Variants in ADORA2B observed in about 807,000 individuals in gnomAD.
The protein encoded by ADORA2B is adenosine A2b receptor, also known as adenosine receptor A2b.
A neutral mutation model predicts 20.8 loss-of-function variants in ADORA2B; 18 were observed. The observed-to-expected ratio is 0.87, with a 90% CI of 0.60 to 1.29. The LOEUF (loss-of-function observed/expected upper bound fraction) is 1.29, where lower values mean the gene tolerates loss of function less well. ADORA2B is among the 50% of genes most tolerant of loss of function. ADORA2B has a pLI of 0.00. For missense variants in ADORA2B, 441 were observed against 422.7 expected (o/e 1.04, Z -0.38); for synonymous variants, 179 against 178.3 (o/e 1.00, Z -0.03).
the ADORA2B span, among the ~76,000 whole-genome samples, chr17:15,877,400 T>C: frequency 2.0e-5 from 3 of 152,168 alleles, no homozygotes; most frequent in African/African-American, 7.2e-5. Flanking sequence ...GGCCTGCAAC[T>C]ATGGTCTTCA....
chr17:15,901,528 T>C, the ADORA2B span, among the ~76,000 whole-genome samples: 1 of 152,156 alleles, frequency 6.6e-6, no homozygotes, highest in Admixed American at 6.5e-5. Context: ...TTTTCATATT[T>C]ACTATGTCTA....
chr17:15,932,866 G>T, the ADORA2B span, among the ~76,000 whole-genome samples: 2 of 149,654 alleles, frequency 1.3e-5, no homozygotes, highest in South Asian at 4.2e-4. Flanking sequence ...AATAAGTTTT[G>T]AAATCAAGAA....
chr17:15,948,723 G>T (rs1348342066), intron 1 of ADORA2B, among the ~76,000 whole-genome samples: 2 of 152,118 alleles, frequency 1.3e-5, no homozygotes, highest in Non-Finnish European at 2.9e-5. Context: ...GGCCGAATGG[G>T]TCCAGTGCCG....
At chr17:15,961,083 C>T (rs976551166) in intron 1 of ADORA2B, among the ~76,000 whole-genome samples, 6 of 151,224 alleles carry the variant, frequency 4.0e-5, no homozygotes, top group South Asian at 2.1e-4. Flanking sequence ...AGGAGAATGG[C>T]GTGAACCTGG....
chr17:15,887,951 CAAAAAAAAAAAAAAAAAAAAAAAAAAA>C, the ADORA2B span, among the ~76,000 whole-genome samples: 1 of 22,226 alleles, frequency 4.5e-5, no homozygotes, highest in Non-Finnish European at 7.9e-5. Context: ...AAGACTCCAT[CAAAAAAAAAAAAAAAAAAAAAAAAAAA>C]AAAAAAAAAA....
At chr17:15,891,690 T>G in the ADORA2B span, among the ~76,000 whole-genome samples, 1 of 151,908 alleles carries the variant, frequency 6.6e-6, no homozygotes, top group Non-Finnish European at 1.5e-5. Flanking sequence ...TTTCTCTCTT[T>G]TTTTTTTTCA....
At chr17:15,862,391 T>C in the ADORA2B span, among the ~76,000 whole-genome samples, 5 of 151,460 alleles carry the variant, frequency 3.3e-5, no homozygotes, top group Admixed American at 2.6e-4. Flanking sequence ...CTAATTTTTG[T>C]ATTTTTTTTA....
chr17:15,872,685 T>A, the ADORA2B span, among the ~76,000 whole-genome samples: 2 of 152,198 alleles, frequency 1.3e-5, no homozygotes, highest in Admixed American at 1.3e-4. Context: ...GGGATTGAGT[T>A]CTTGATTGAT....
the ADORA2B span, among the ~76,000 whole-genome samples, chr17:15,877,628 C>G: frequency 6.6e-6 from 1 of 152,096 alleles, no homozygotes; most frequent in Non-Finnish European, 1.5e-5. Flanking sequence ...TCGTTTAATT[C>G]CCTTGTTTTC....
the ADORA2B span, among the ~76,000 whole-genome samples, chr17:15,852,493 T>TA: frequency 6.6e-6 from 1 of 151,918 alleles, no homozygotes; most frequent in Admixed American, 6.6e-5. Flanking sequence ...ATAGTCAATT[T>TA]AAAAAATACT....
chr17:15,880,850 TA>T, the ADORA2B span, among the ~76,000 whole-genome samples: 2 of 152,226 alleles, frequency 1.3e-5, no homozygotes, highest in Non-Finnish European at 2.9e-5. Context: ...AGCAGCTATT[TA>T]AAGGGATAAC....
chr17:15,886,177 C>T, the ADORA2B span, among the ~76,000 whole-genome samples: 1 of 152,176 alleles, frequency 6.6e-6, no homozygotes, highest in African/African-American at 2.4e-5. Context: ...TAAGTGAGGA[C>T]TTATTAGAAA....
chr17:15,873,576 G>A, the ADORA2B span, among the ~76,000 whole-genome samples: 1 of 152,094 alleles, frequency 6.6e-6, no homozygotes, highest in Non-Finnish European at 1.5e-5. Flanking sequence ...CAGAAAGTGG[G>A]CAAAGGATAT....
At chr17:15,920,893 A>G in the ADORA2B span, among the ~76,000 whole-genome samples, 1 of 152,206 alleles carries the variant, frequency 6.6e-6, no homozygotes, top group African/African-American at 2.4e-5. Flanking sequence ...TGACTCACAG[A>G]TTGCACAACT....
At chr17:15,944,975 G>A (rs1969779187), upstream of ADORA2B, 4 of 260,952 alleles carry the variant, frequency 1.5e-5, no homozygotes, top group Non-Finnish European at 2.9e-5. The surrounding 1 kb of genome is among the most constrained non-coding windows in gnomAD (Gnocchi z 4.8). Flanking sequence ...GGACCGGAGG[G>A]GCCCCGCGCG....
chr17:15,871,989 T>C, the ADORA2B span, among the ~76,000 whole-genome samples: 1 of 152,200 alleles, frequency 6.6e-6, no homozygotes, highest in Non-Finnish European at 1.5e-5. Flanking sequence ...GAATGTTCGC[T>C]GAAGACGTGA....
the ADORA2B span, among the ~76,000 whole-genome samples, chr17:15,891,952 A>T: frequency 6.7e-6 from 1 of 149,640 alleles, no homozygotes; most frequent in Admixed American, 6.7e-5. Flanking sequence ...GGTTCAAGCA[A>T]TTCTTCTGCC....
the ADORA2B span, among the ~76,000 whole-genome samples, chr17:15,939,368 G>A: frequency 6.6e-6 from 1 of 152,140 alleles, no homozygotes; most frequent in Admixed American, 6.6e-5. Flanking sequence ...CTTGGAAACA[G>A]TCCTCCTGGA....
chr17:15,882,366 G>T, the ADORA2B span, among the ~76,000 whole-genome samples: 1 of 152,186 alleles, frequency 6.6e-6, no homozygotes, highest in African/African-American at 2.4e-5. Context: ...TGAAATGTGG[G>T]AGAAAGTGAG....
Sources: gnomAD v4.1 joint callset for allele counts (sites outside exome capture counted in the v4.1 genomes callset) on GRCh38, gnomAD v4.1.1 for gene constraint, Gnocchi (gnomAD v3.1) non-coding constraint, MANE v1.5 for transcripts, NCBI Gene and HGNC (gene_info 2026-07-23, HGNC 2026-07-21) for gene names.